The following L3MBTL1 variants were observed in gnomAD, a reference collection of about 807,000 sequenced individuals.
L3MBTL1 encodes the protein L3MBTL histone methyl-lysine binding protein 1.
A neutral mutation model predicts 105.3 loss-of-function variants in L3MBTL1; 75 were observed. The ratio of observed to expected loss-of-function variants is 0.71; its 90% confidence interval spans 0.59 to 0.86. L3MBTL1 has a LOEUF of 0.86. L3MBTL1 is among the 40% of genes least tolerant of loss of function. L3MBTL1 has a pLI of 0.00. For synonymous variants in L3MBTL1, 452 were observed against 436.2 expected (o/e 1.04, Z -0.45); for missense variants, 1,069 against 1,126.4 (o/e 0.95, Z 0.73).
intron 9 of L3MBTL1, 58 bp from the exon 10 acceptor site, chr20:43,530,226 A>G: frequency 6.2e-7 from 1 of 1,609,206 alleles, no homozygotes; most frequent in African/African-American, 1.3e-5. Flanking sequence ...GAGGTGAGGC[A>G]GATGGGGAGT....
At chr20:43,528,577 A>G in intron 7 of L3MBTL1, 80 bp from the exon 8 acceptor site, 3 of 999,900 alleles carry the variant, frequency 3.0e-6, no homozygotes, top group Non-Finnish European at 4.8e-6. Flanking sequence ...GGGTGAAGGT[A>G]GAGCTTGGTC....
At chr20:43,540,859 T>A in intron 21 of L3MBTL1, 44 bp downstream of exon 21, 1 of 1,613,146 alleles carries the variant, frequency 6.2e-7, no homozygotes, top group Non-Finnish European at 8.5e-7. Context: ...GGGGTCACTG[T>A]CCTTAAGACG....
intron 7 of L3MBTL1, among the ~76,000 whole-genome samples, chr20:43,519,548 A>G (rs898386002): frequency 6.6e-6 from 1 of 152,202 alleles, no homozygotes; most frequent in African/African-American, 2.4e-5. Flanking sequence ...AGGCAGGAGA[A>G]TCGCTTGAAC....
intron 19 of L3MBTL1, 48 bp downstream of exon 19, chr20:43,536,506 C>T (rs767414113): frequency 1.9e-6 from 3 of 1,593,640 alleles, no homozygotes; most frequent in East Asian, 2.2e-5. Context: ...AGAGTGTTCA[C>T]AGCGAGTGCT....
chr20:43,514,201 G>A (rs530147894), intron 3 of L3MBTL1, 140 bp downstream of exon 3: 6 of 834,532 alleles, frequency 7.2e-6, no homozygotes, highest in African/African-American at 1.7e-5. Flanking sequence ...TTGAGTGAGG[G>A]ACTCTCGGGG....
At chr20:43,513,333 C>G in intron 1 of L3MBTL1, 143 bp from the exon 2 acceptor site, 1 of 770,710 alleles carries the variant, frequency 1.3e-6, no homozygotes. Context: ...CACCCTACTC[C>G]CCACAGGACT....
At chr20:43,513,696 G>C in intron 2 of L3MBTL1, 57 bp downstream of exon 2, 3 of 1,549,206 alleles carry the variant, frequency 1.9e-6, no homozygotes, top group Non-Finnish European at 2.6e-6. Context: ...ACCTGCTCAA[G>C]CAAGTGTGGA....
chr20:43,543,833 G>A (rs767745739), downstream of L3MBTL1, among the ~76,000 whole-genome samples: 3 of 152,198 alleles, frequency 2.0e-5, no homozygotes, highest in Non-Finnish European at 4.4e-5. Context: ...AAAGTAGTCT[G>A]TCCAGTCCTC....
intron 21 of L3MBTL1, 33 bp downstream of exon 21, chr20:43,540,848 C>T (rs770710321): frequency 3.2e-5 from 52 of 1,613,212 alleles, no homozygotes; most frequent in South Asian, 2.5e-4. Context: ...GAGACAGAGC[C>T]GGGGTCACTG....
intron 7 of L3MBTL1, among the ~76,000 whole-genome samples, chr20:43,525,164 G>A (rs1307179158): frequency 2.6e-5 from 4 of 151,764 alleles, no homozygotes; most frequent in East Asian, 1.9e-4. Context: ...TCTGGCTTGC[G>A]TGACTGGATG....
exon 19 of L3MBTL1, chr20:43,548,451 C>A: frequency 6.3e-6 from 2 of 319,062 alleles, no homozygotes; most frequent in Admixed American, 4.3e-5. Flanking sequence ...GCTCATTCGT[C>A]ACCAGGCATG....
exon 19 of L3MBTL1, chr20:43,549,753 T>TGG (rs1978869309): frequency 6.8e-6 from 1 of 147,092 alleles, no homozygotes; most frequent in East Asian, 2.0e-4. Context: ...TGTGTGTGTG[T>TGG]GGCACTCTCA....
In L3MBTL1 at chr20:43,534,090, G is replaced by A. The variant is rs139693776; in HGVS notation, c.1596G>A (p.Lys532=). Residue 532 remains lysine, a synonymous_variant, in exon 14 of 22, where the codon AAG becomes AAA. Transcript: ENST00000418998. ...CTGCTGTCCCCACCTGGGCCTTCAA[G>A]GTGGTGAGTCAGTGCTCCCTGACCC... is the stretch of plus-strand genomic sequence containing the variant. ...GASAVPTWAF[K]VRPPHSFLVN... The A allele has an allele frequency of 1.2e-6, 2 of 1,613,440 alleles. No individual in the cohort carries two copies. Among genetic ancestry groups the A allele is most frequent in the Non-Finnish European group, 1.7e-6 (2 of 1,179,386 alleles).
downstream of L3MBTL1, among the ~76,000 whole-genome samples, chr20:43,543,176 A>G (rs942761296): frequency 6.6e-6 from 1 of 151,816 alleles, no homozygotes; most frequent in Admixed American, 6.6e-5. Context: ...GGTTGGTTTC[A>G]TAGCCTTGTT....
At chr20:43,512,834 C>CA (rs2145369282) in intron 1 of L3MBTL1, among the ~76,000 whole-genome samples, 1 of 152,332 alleles carries the variant, frequency 6.6e-6, no homozygotes, top group South Asian at 2.1e-4. Context: ...GTTATTAAAA[C>CA]AAAATCACGT....
At chr20:43,549,154 G>A (rs375514613) in exon 19 of L3MBTL1, 8 of 152,412 alleles carry the variant, frequency 5.2e-5, no homozygotes, top group African/African-American at 1.9e-4. Flanking sequence ...TCGGGTCTTT[G>A]GCCAGAGGGG....
At chr20:43,514,501 C>A (rs1386828742) in intron 3 of L3MBTL1, 134 bp from the exon 4 acceptor site, 5 of 1,542,642 alleles carry the variant, frequency 3.2e-6, no homozygotes, top group Non-Finnish European at 4.4e-6. Flanking sequence ...GGAGTGAGGC[C>A]CCCTGGCGTG....
Position 43,514,034 on chromosome 20 carries a change from G to T in L3MBTL1, c.333G>T (p.Ala111=). The change falls in exon 3 of 22, where the codon GCG becomes GCT. Residue 111 remains alanine, a synonymous_variant. Coordinates refer to ENST00000418998, the MANE Select transcript of L3MBTL1 (RefSeq NM_001377303.1). Reference sequence around the variant, plus strand: ...GGCTTCTGGAATGGACAGAGGCCGCGGCCCCGCCCCCAGGGGGCGGCCTGC... The same window carrying T: ...GGCTTCTGGAATGGACAGAGGCCGCTGCCCCGCCCCCAGGGGGCGGCCTGC... ...TVRLLEWTEA[A]APPPGGGLRF... 6.5e-7 allele frequency: 1 copy of T among 1,536,252 alleles called. No homozygotes were observed. The highest frequency in any genetic ancestry group is 8.7e-7 in the Non-Finnish European group (1 of 1,146,500).
chr20:43,547,230 G>T (rs909747539), intron 18 of L3MBTL1, among the ~76,000 whole-genome samples: 1 of 150,550 alleles, frequency 6.6e-6, no homozygotes, highest in East Asian at 2.0e-4. Context: ...TCAGCCTCCC[G>T]AGTAGCTGGG....
Sources: allele counts gnomAD v4.1 joint callset (sites outside exome capture counted in the v4.1 genomes callset), GRCh38; gene constraint gnomAD v4.1.1; transcripts MANE v1.5; gene names NCBI Gene and HGNC (gene_info 2026-07-23, HGNC 2026-07-21).